The following LRRC74A variants were observed in gnomAD, a reference collection of about 807,000 sequenced individuals.
LRRC74A encodes the protein leucine-rich repeat-containing protein 74A.
In LRRC74A, 44 loss-of-function variants were observed where a neutral mutation model predicts 57.9. The observed-to-expected ratio is 0.76, with a 90% CI of 0.60 to 0.98. LRRC74A has a LOEUF of 0.98. LRRC74A is among the 50% of genes least tolerant of loss of function. The pLI is 0.00. For missense variants in LRRC74A, 572 were observed against 574.0 expected, an observed-to-expected ratio of 1.00 and a Z score of 0.04; for synonymous variants, 211 against 219.4, an observed-to-expected ratio of 0.96 and a Z score of 0.34.
chr14:76,870,173 G>A lies in LRRC74A; in HGVS notation c.*24G>A. The A allele has an allele frequency of 6.2e-7, 1 of 1,606,990 alleles. No homozygotes were observed. The highest frequency in any genetic ancestry group is 8.5e-7 in the Non-Finnish European group (1 of 1,176,564). Reference sequence around the variant, plus strand: ...AGCAACAAGTCTGGTCTAGAAAGAAGTCTCGGCGAGAGGAGTCCTCGCAAG... The same window carrying A: ...AGCAACAAGTCTGGTCTAGAAAGAAATCTCGGCGAGAGGAGTCCTCGCAAG... On this transcript the variant is annotated 3_prime_UTR_variant, in exon 14 of 14. Transcript: ENST00000689127.
At chr14:76,831,624 A>G (rs1358394503) in intron 3 of LRRC74A, among the ~76,000 whole-genome samples, 1 of 152,142 alleles carries the variant, frequency 6.6e-6, no homozygotes, top group African/African-American at 2.4e-5. Flanking sequence ...ATAGAAGTCT[A>G]TATACTCTTT....
At position 76,853,724 on chromosome 14, in the gene LRRC74A, C is replaced by G. The variant is rs538384493; in HGVS notation, c.957+314C>G. 2.6e-5 allele frequency among the ~76,000 whole-genome samples: 4 copies of G among 152,100 alleles called. No individual in the cohort carries two copies. The East Asian group carries it at 7.7e-4, about 29-fold the overall frequency. On this transcript the variant is annotated intron_variant, in intron 9 of 13. Transcript: ENST00000689127. ...ATCTGGGTCTCCTTCAGGATCTTCT[C>G]CACATTGCCACCGGAGTGTGCTTTT...
chr14:76,865,948 G>C lies in LRRC74A; in HGVS notation c.1201-20G>C. 2 of 1,521,890 alleles carry C rather than the reference G, an allele frequency of 1.3e-6. No homozygotes were observed. The highest frequency in any genetic ancestry group is 1.7e-4 in the Middle Eastern group (1 of 5,880). 94.3% of individuals were successfully genotyped at this position (1,521,890 alleles called of 1,614,324 possible). Reference sequence around the variant, plus strand: ...TTACAAGACCAAGTGTTTGCTCCTGGTCTCTCCTGCTTCTCTCAGAGCTAT... The same window carrying C: ...TTACAAGACCAAGTGTTTGCTCCTGCTCTCTCCTGCTTCTCTCAGAGCTAT... On this transcript the variant is annotated intron_variant, in intron 11 of 13. Transcript: ENST00000689127.
At chr14:76,852,865 C>G (rs1015001586) in intron 8 of LRRC74A, among the ~76,000 whole-genome samples, 17 of 152,182 alleles carry the variant, frequency 1.1e-4, no homozygotes, top group Admixed American at 3.3e-4. Flanking sequence ...GATCCACCCA[C>G]CTCAGCCTCC....
chr14:76,830,438 G>T (rs1277312751), intron 2 of LRRC74A, among the ~76,000 whole-genome samples: 3 of 152,212 alleles, frequency 2.0e-5, no homozygotes, highest in Non-Finnish European at 2.9e-5. Context: ...AGAAATAAAG[G>T]CCCCCAGGGG....
At chr14:76,839,771 G>A (rs75200781) in intron 5 of LRRC74A, among the ~76,000 whole-genome samples, 10 of 152,134 alleles carry the variant, frequency 6.6e-5, no homozygotes, top group South Asian at 6.2e-4. Flanking sequence ...TGTTAGATAC[G>A]GCTTTATTTA....
chr14:76,853,376 G>A lies in LRRC74A; in HGVS notation c.923G>A (p.Gly308Glu). Reference protein sequence around the residue: ...GNEGASKISKGLESNESLRVL... With the variant: ...GNEGASKISKELESNESLRVL... ...GAAGGGGCCTCCAAAATCAGCAAAGGACTGGAATCCAATGAAAGCCTCAGA... is the reference window on the plus strand; with the variant it reads ...GAAGGGGCCTCCAAAATCAGCAAAGAACTGGAATCCAATGAAAGCCTCAGA... Residue 308 changes from glycine to glutamate, a missense_variant, in exon 9 of 14, where the codon GGA becomes GAA. By Grantham distance (98) the Gly-to-Glu change is moderately conservative (BLOSUM62 -2). Coordinates refer to ENST00000689127, the MANE Select transcript of LRRC74A (RefSeq NM_001385106.1). The A allele has an allele frequency of 1.9e-6, 3 of 1,612,632 alleles. No homozygotes were observed. Among genetic ancestry groups the A allele is most frequent in the Non-Finnish European group, 2.5e-6 (3 of 1,179,516 alleles).
chr14:76,863,185 A>AGAGTGT (rs1555369208), intron 11 of LRRC74A, among the ~76,000 whole-genome samples: 3 of 145,206 alleles, frequency 2.1e-5, no homozygotes, highest in Non-Finnish European at 4.5e-5. Flanking sequence ...CATGCATGTG[A>AGAGTGT]GTGTGTGTGT....
At chr14:76,838,822 A>C (rs115720235) in intron 5 of LRRC74A, among the ~76,000 whole-genome samples, 2,700 of 152,308 alleles carry the variant, frequency 0.018, 78 homozygotes, top group African/African-American at 0.062. Context: ...GCTAGTCTCA[A>C]ACTCCTGGGC....
chr14:76,828,016 A>C (rs1895699389), intron 1 of LRRC74A, among the ~76,000 whole-genome samples: 1 of 152,188 alleles, frequency 6.6e-6, no homozygotes, highest in South Asian at 2.1e-4. Flanking sequence ...GCCGATCTCC[A>C]AGGCACGCCT....
chr14:76,833,902 A>G (rs553621544), intron 3 of LRRC74A, among the ~76,000 whole-genome samples: 1 of 152,366 alleles, frequency 6.6e-6, no homozygotes, highest in South Asian at 2.1e-4. Context: ...TATCTTTGGT[A>G]TCAGGCATTT....
chr14:76,853,421 G>C lies in LRRC74A; in HGVS notation c.957+11G>C. On this transcript the variant is annotated intron_variant, in intron 9 of 13. Coordinates refer to ENST00000689127, the MANE Select transcript of LRRC74A (RefSeq NM_001385106.1). ...CTCAGAGTTCTGAAGGTAGTCTTCA[G>C]CTGGAAAGGGTGTGTGTGTGTGTGT... 6.4e-7 allele frequency: 1 copy of C among 1,552,260 alleles called. No homozygotes were observed. Among genetic ancestry groups the C allele is most frequent in the Non-Finnish European group, 8.8e-7 (1 of 1,141,068 alleles).
At position 76,841,701 on chromosome 14, in the gene LRRC74A, T is replaced by C. The variant is rs1595361259; in HGVS notation, c.545-2722T>C. On this transcript the variant is annotated intron_variant, in intron 5 of 13. Transcript: ENST00000689127. ...TACTCCTTCAGGTATTTTTATATTC[T>C]TTTTTTTTCTTTTTCTTTTTTTTTT... 3.3e-5 allele frequency among the ~76,000 whole-genome samples: 4 copies of C among 122,200 alleles called. No homozygotes were observed. In the South Asian group the frequency reaches 9.0e-4, roughly 28 times the overall value. The allele number at this position is 122,200 out of a possible 152,430, so 80.2% of individuals were successfully genotyped here.
At chr14:76,868,631 G>T (rs1161787301) in intron 13 of LRRC74A, among the ~76,000 whole-genome samples, 1 of 152,158 alleles carries the variant, frequency 6.6e-6, no homozygotes, top group African/African-American at 2.4e-5. Context: ...GCCTGGGTCT[G>T]CAGCTGAGCT....
intron 2 of LRRC74A, chr14:76,829,074 CCT>C (rs1566713613): frequency 2.3e-6 from 3 of 1,289,346 alleles, no homozygotes; most frequent in South Asian, 1.2e-5. Flanking sequence ...ACACCTCCAC[CCT>C]CTCTCTCCTC....
At chr14:76,850,789 A>T (rs1897408013) in intron 7 of LRRC74A, among the ~76,000 whole-genome samples, 2 of 147,428 alleles carry the variant, frequency 1.4e-5, no homozygotes, top group Non-Finnish European at 3.0e-5. Context: ...AATCGCTTGA[A>T]CCCAGGAGGC....
intron 11 of LRRC74A, among the ~76,000 whole-genome samples, chr14:76,862,914 A>G (rs1464882858): frequency 6.6e-6 from 1 of 152,158 alleles, no homozygotes; most frequent in African/African-American, 2.4e-5. Context: ...TCCATCGGGA[A>G]CAGGGGGCCG....
intron 3 of LRRC74A, among the ~76,000 whole-genome samples, chr14:76,835,971 G>C (rs1450661108): frequency 6.6e-6 from 1 of 152,144 alleles, no homozygotes; most frequent in African/African-American, 2.4e-5. Context: ...AACTTGTCAG[G>C]GTTTTAATTG....
At chr14:76,839,578 G>T (rs1056989082) in intron 5 of LRRC74A, among the ~76,000 whole-genome samples, 2 of 152,178 alleles carry the variant, frequency 1.3e-5, no homozygotes, top group East Asian at 3.9e-4. Flanking sequence ...TGTGTTTCTC[G>T]CTATTATTGT....
Sources: gnomAD v4.1 joint callset for allele counts (sites outside exome capture counted in the v4.1 genomes callset) on GRCh38, gnomAD v4.1.1 for gene constraint, MANE v1.5 for transcripts, NCBI Gene and HGNC (gene_info 2026-07-23, HGNC 2026-07-21) for gene names.